The following MAGI1 variants were observed in gnomAD, a reference collection of about 807,000 sequenced individuals.
MAGI1 encodes the protein membrane-associated guanylate kinase, WW and PDZ domain-containing protein 1.
MAGI1 carries 58 observed loss-of-function variants against 139.9 expected under a neutral mutation model. The observed-to-expected ratio is 0.41, with a 90% CI of 0.34 to 0.52. The LOEUF is 0.52. MAGI1 is among the 20% of genes least tolerant of loss of function. The probability of loss-of-function intolerance (pLI) is 0.12; values close to 1 mark genes in which losing one functional copy is unlikely to be tolerated. For missense variants in MAGI1, 1,874 were observed against 1,901.6 expected (o/e 0.99, Z 0.27); for synonymous variants, 812 against 737.9 (o/e 1.10, Z -1.63).
chr3:65,930,111 T>C (rs905587566), intron 1 of MAGI1, among the ~76,000 whole-genome samples: 11 of 149,854 alleles, frequency 7.3e-5, no homozygotes, highest in Non-Finnish European at 1.3e-4. Context: ...GGTCAGGAGA[T>C]CGAGACCATC....
chr3:65,655,297 A>C (rs2085810251), intron 1 of MAGI1, among the ~76,000 whole-genome samples: 1 of 152,180 alleles, frequency 6.6e-6, no homozygotes, highest in African/African-American at 2.4e-5. Context: ...TAAACCCATA[A>C]AGGCTCAAAA....
intron 1 of MAGI1, among the ~76,000 whole-genome samples, chr3:65,993,196 C>G (rs906125415): frequency 6.6e-6 from 1 of 152,182 alleles, no homozygotes; most frequent in Non-Finnish European, 1.5e-5. Context: ...AGAGCCATCA[C>G]AGCAGGCCAC....
chr3:65,447,233 C>T (rs964782017), intron 7 of MAGI1, among the ~76,000 whole-genome samples: 19 of 152,096 alleles, frequency 1.2e-4, no homozygotes, highest in African/African-American at 9.7e-5. Context: ...ATGTATCAGA[C>T]GGAATGCAAA....
intron 1 of MAGI1, among the ~76,000 whole-genome samples, chr3:65,938,065 C>T (rs9829259): frequency 0.5 from 76,249 of 151,678 alleles, 20,884 homozygotes; most frequent in East Asian, 0.8. Context: ...AATATGATCA[C>T]TCTTCCTATC....
Position 65,747,482 on chromosome 3 carries a change from T to C in MAGI1, c.314-125394A>G, listed in dbSNP as rs1366053543. ...CTATTTCTTTAAAAAATATTACTTA[T>C]GTTAATACATAATAGGGATATTATT... On this transcript the variant is annotated intron_variant, in intron 1 of 22. Transcript: ENST00000402939. 4.6e-5 allele frequency among the ~76,000 whole-genome samples: 7 copies of C among 151,424 alleles called. No homozygotes were observed. The South Asian group carries it at 1.3e-3, about 27-fold the overall frequency.
chr3:65,663,392 G>A (rs892295975), intron 1 of MAGI1, among the ~76,000 whole-genome samples: 7 of 152,150 alleles, frequency 4.6e-5, no homozygotes, highest in Non-Finnish European at 1.0e-4. Context: ...CGTGGTACCA[G>A]TCCACAGACC....
intron 1 of MAGI1, among the ~76,000 whole-genome samples, chr3:65,991,189 T>C (rs2066151076): frequency 6.7e-6 from 1 of 148,534 alleles, no homozygotes; most frequent in Admixed American, 6.8e-5. Flanking sequence ...CTCAGGAAGC[T>C]GAGGCAGGAG....
intron 1 of MAGI1, among the ~76,000 whole-genome samples, chr3:65,941,783 C>CTGT (rs945738361): frequency 2.0e-5 from 3 of 152,102 alleles, no homozygotes; most frequent in South Asian, 2.1e-4. Context: ...TATTAACTTT[C>CTGT]TGTTGTTGTT....
chr3:65,552,381 G>A (rs1243049262), intron 2 of MAGI1, among the ~76,000 whole-genome samples: 1 of 152,024 alleles, frequency 6.6e-6, no homozygotes, highest in African/African-American at 2.4e-5. Flanking sequence ...AGCAAACAGT[G>A]ATTTAGAGAA....
At chr3:65,565,747 C>T (rs2080587528) in intron 2 of MAGI1, among the ~76,000 whole-genome samples, 1 of 151,520 alleles carries the variant, frequency 6.6e-6, no homozygotes, top group African/African-American at 2.4e-5. Context: ...ATCCCAGCTA[C>T]TCTGGAGGCT....
At chr3:65,946,938 T>C (rs1439136107) in intron 1 of MAGI1, among the ~76,000 whole-genome samples, 2 of 152,196 alleles carry the variant, frequency 1.3e-5, no homozygotes, top group East Asian at 3.9e-4. Flanking sequence ...GACAAAATCA[T>C]GAAAGCTAAG....
rs541385398 is a variant in MAGI1 at position 65,368,902 on chromosome 3, T to C, written c.3197-3956A>G. Among the ~76,000 whole-genome samples the C allele has an allele frequency of 1.2e-4, 19 of 152,332 alleles. No individual in the cohort carries two copies. The South Asian group carries it at 3.9e-3, about 32-fold the overall frequency. Reference sequence around the variant, plus strand: ...TTTCATTATATTGAACTTGATTCAATCTGATGGTTCCATGTTACCTGGCTC... The same window carrying C: ...TTTCATTATATTGAACTTGATTCAACCTGATGGTTCCATGTTACCTGGCTC... On this transcript the variant is annotated intron_variant, in intron 18 of 22. Transcript: ENST00000402939.
intron 2 of MAGI1, among the ~76,000 whole-genome samples, chr3:65,550,899 A>T (rs1016659301): frequency 2.0e-5 from 3 of 152,048 alleles, no homozygotes; most frequent in African/African-American, 7.2e-5. Flanking sequence ...TGGGCCTAGG[A>T]GTCTGAGGCT....
intron 12 of MAGI1, among the ~76,000 whole-genome samples, chr3:65,419,229 C>CACACACACACACACACACACACAT (rs1161672999): frequency 0.074 from 10,704 of 144,656 alleles, 484 homozygotes; most frequent in Non-Finnish European, 0.11. Context: ...CATACACACA[C>CACACACACACACACACACACACAT]ACACACACAC....
intron 1 of MAGI1, among the ~76,000 whole-genome samples, chr3:65,830,347 G>A (rs2042456881): frequency 6.6e-6 from 1 of 151,752 alleles, no homozygotes; most frequent in Non-Finnish European, 1.5e-5. Flanking sequence ...AACACAGAGA[G>A]AGAGAAAGAA....
At chr3:65,721,722 T>TGC (rs2033050852) in intron 1 of MAGI1, among the ~76,000 whole-genome samples, 1 of 152,162 alleles carries the variant, frequency 6.6e-6, no homozygotes, top group East Asian at 1.9e-4. Flanking sequence ...ACTCCTCTTA[T>TGC]TTATGCTACT....
intron 12 of MAGI1, among the ~76,000 whole-genome samples, chr3:65,426,930 G>A (rs952432461): frequency 2.0e-5 from 3 of 152,048 alleles, no homozygotes; most frequent in Non-Finnish European, 4.4e-5. Context: ...AATATATTCC[G>A]GATTTTTCAT....
rs768890841 is a variant in MAGI1 at position 65,448,069 on chromosome 3, G to A, written c.1043-12C>T. 1 of 1,613,766 alleles carries A rather than the reference G, an allele frequency of 6.2e-7. No individual in the cohort carries two copies. Among genetic ancestry groups the A allele is most frequent in the South Asian group, 1.1e-5 (1 of 91,064 alleles). On this transcript the variant is annotated splice_polypyrimidine_tract_variant and intron_variant, in intron 6 of 22. Coordinates refer to ENST00000402939, the MANE Select transcript of MAGI1 (RefSeq NM_001033057.2). The stretch of plus-strand genomic sequence containing the variant: ...GGTGTGTACCCCTTCTTCTCCAAAG[G>A]AATAGCAGGAATGAGACAGAAAAGA...
chr3:65,888,404 A>G (rs761566153), intron 1 of MAGI1, among the ~76,000 whole-genome samples: 24 of 152,248 alleles, frequency 1.6e-4, no homozygotes, highest in Non-Finnish European at 1.5e-4. Flanking sequence ...ATTGGCAACC[A>G]AAGTATTCAA....
Sources: gnomAD v4.1 joint callset for allele counts (sites outside exome capture counted in the v4.1 genomes callset) on GRCh38, gnomAD v4.1.1 for gene constraint, MANE v1.5 for transcripts, NCBI Gene and HGNC (gene_info 2026-07-23, HGNC 2026-07-21) for gene names.